ESR2: variants seen among roughly 807,000 people sequenced by gnomAD.
ESR2 encodes the protein estrogen receptor beta.
ESR2 carries 36 observed loss-of-function variants against 49.6 expected under a neutral mutation model. That is an observed-to-expected ratio of 0.73 (90% CI 0.56 to 0.96). The LOEUF (loss-of-function observed/expected upper bound fraction) is 0.96. ESR2 is among the 40% of genes least tolerant of loss of function. The pLI is 0.00. For synonymous variants in ESR2, 320 were observed against 266.1 expected (o/e 1.20, Z -1.97); for missense variants, 714 against 693.0 (o/e 1.03, Z -0.34).
rs746096082 is a variant in ESR2 at position 64,280,120 on chromosome 14, A to G, written c.396T>C (p.Arg132=). Residue 132 remains arginine (R), a synonymous_variant, in exon 3 of 9, where the codon CGT becomes CGC. Transcript: ENST00000341099. ...ETLKRKVSGN[R]CASPVTGPGS... ...CTGGACCAGTAACAGGGCTGGCGCA[A>G]CGGTTCCCACTAACCTTCCTTTTCA... 9 of 1,614,000 alleles carry G rather than the reference A, an allele frequency of 5.6e-6. No individual in the cohort carries two copies. The highest frequency in any genetic ancestry group is 1.6e-4 in the Middle Eastern group (1 of 6,084).
intron 4 of ESR2, among the ~76,000 whole-genome samples, chr14:64,265,560 A>G (rs2076311873): frequency 2.0e-5 from 3 of 152,236 alleles, no homozygotes; most frequent in African/African-American, 7.2e-5. Context: ...TTCACAGAAG[A>G]GTATACAGCA....
At chr14:64,242,061 C>T (rs1001150189) in intron 7 of ESR2, among the ~76,000 whole-genome samples, 5 of 152,122 alleles carry the variant, frequency 3.3e-5, no homozygotes, top group African/African-American at 1.2e-4. Context: ...CTTGTTTGTA[C>T]AGTGTTTTTA....
chr14:64,269,656 C>G (rs1481452891), intron 3 of ESR2, among the ~76,000 whole-genome samples: 1 of 152,154 alleles, frequency 6.6e-6, no homozygotes, highest in African/African-American at 2.4e-5. Context: ...TGGAACAGAC[C>G]TGACCTCCCA....
At chr14:64,328,340 A>T (rs2077414460) in intron 1 of ESR2, among the ~76,000 whole-genome samples, 1 of 152,122 alleles carries the variant, frequency 6.6e-6, no homozygotes, top group African/African-American at 2.4e-5. Context: ...AATCACTTGA[A>T]CCTGGGAGGC....
chr14:64,244,798 C>A (rs2075814298), intron 7 of ESR2, among the ~76,000 whole-genome samples: 1 of 152,166 alleles, frequency 6.6e-6, no homozygotes, highest in Non-Finnish European at 1.5e-5. Flanking sequence ...CATAATAAAT[C>A]CCCTCTCATT....
intron 7 of ESR2, among the ~76,000 whole-genome samples, chr14:64,237,676 TATCC>T (rs2075633788): frequency 1.3e-5 from 2 of 152,358 alleles, no homozygotes; most frequent in African/African-American, 4.8e-5. Flanking sequence ...AAATGTGGTC[TATCC>T]ATACAGTGGA....
downstream of ESR2, chr14:64,227,054 C>G (rs2098721993): frequency 6.4e-6 from 1 of 156,302 alleles, no homozygotes; most frequent in South Asian, 2.0e-4. Context: ...AGTCCAGTAG[C>G]ATTTTACTTT....
At chr14:64,246,779 G>A (rs970822034) in intron 7 of ESR2, among the ~76,000 whole-genome samples, 1 of 133,016 alleles carries the variant, frequency 7.5e-6, no homozygotes, top group African/African-American at 3.2e-5. Context: ...ACACCTGGCT[G>A]GACTTTCCTT....
intron 1 of ESR2, among the ~76,000 whole-genome samples, chr14:64,317,609 C>A (rs2077272551): frequency 6.6e-6 from 1 of 152,220 alleles, no homozygotes; most frequent in South Asian, 2.1e-4. Context: ...CCAGGCCACA[C>A]TTCCAACAAT....
chr14:64,328,920 A>G (rs757369509), intron 1 of ESR2, among the ~76,000 whole-genome samples: 3 of 152,188 alleles, frequency 2.0e-5, no homozygotes, highest in Admixed American at 6.5e-5. Flanking sequence ...TTAGTTGCAG[A>G]TATTTTAAAT....
chr14:64,281,329 T>G (rs1255418059), intron 2 of ESR2, among the ~76,000 whole-genome samples: 1 of 152,160 alleles, frequency 6.6e-6, no homozygotes, highest in Non-Finnish European at 1.5e-5. Context: ...ATGGTAAAGG[T>G]ATTATTGATT....
At chr14:64,276,350 A>G (rs2076557388) in intron 3 of ESR2, among the ~76,000 whole-genome samples, 1 of 152,260 alleles carries the variant, frequency 6.6e-6, no homozygotes. Context: ...TACAAATGGC[A>G]GATAGATTTA....
chr14:64,253,393 G>T (rs959343152), intron 6 of ESR2, among the ~76,000 whole-genome samples: 1 of 151,754 alleles, frequency 6.6e-6, no homozygotes, highest in African/African-American at 2.4e-5. Flanking sequence ...GTTTCATCAT[G>T]TTGCTCAGGC....
chr14:64,325,868 C>T (rs541831097), intron 1 of ESR2, among the ~76,000 whole-genome samples: 1 of 152,102 alleles, frequency 6.6e-6, no homozygotes, highest in South Asian at 2.1e-4. Context: ...GTGTATAATA[C>T]ATACAACATA....
chr14:64,243,636 T>A (rs114064455), intron 7 of ESR2, among the ~76,000 whole-genome samples: 6,560 of 152,292 alleles, frequency 0.043, 341 homozygotes, highest in African/African-American at 0.12. Flanking sequence ...TGGCTTTTAG[T>A]CTAGGCCCAC....
chr14:64,279,572 T>C (rs1165762204), intron 3 of ESR2, among the ~76,000 whole-genome samples: 1 of 152,236 alleles, frequency 6.6e-6, no homozygotes, highest in African/African-American at 2.4e-5. Flanking sequence ...AAAATGTGTT[T>C]ATTCTTTCTT....
chr14:64,301,383 G>A (rs1282979529), intron 1 of ESR2: 1 of 152,158 alleles, frequency 6.6e-6, no homozygotes, highest in Non-Finnish European at 1.5e-5. Context: ...CTAATTAGAG[G>A]GCGCTGATCT....
chr14:64,318,081 A>C (rs780859153), intron 1 of ESR2, among the ~76,000 whole-genome samples: 2 of 152,194 alleles, frequency 1.3e-5, no homozygotes, highest in Non-Finnish European at 2.9e-5. Context: ...AGATTACATG[A>C]TTCTCTATGT....
At chr14:64,277,316 G>T (rs920407609) in intron 3 of ESR2, among the ~76,000 whole-genome samples, 1 of 152,072 alleles carries the variant, frequency 6.6e-6, no homozygotes, top group Admixed American at 6.6e-5. Flanking sequence ...AGCAAGACAA[G>T]TTTAAAATTA....
Sources: allele counts gnomAD v4.1 joint callset (sites outside exome capture counted in the v4.1 genomes callset), GRCh38; gene constraint gnomAD v4.1.1; transcripts MANE v1.5; gene names NCBI Gene and HGNC (gene_info 2026-07-23, HGNC 2026-07-21).